ZNF841: variants seen among roughly 807,000 people sequenced by gnomAD.
ZNF841 encodes zinc finger protein 841.
A neutral mutation model predicts 13.0 loss-of-function variants in ZNF841; 11 were observed. That is an observed-to-expected ratio of 0.85 (90% CI 0.53 to 1.40). The LOEUF is 1.40. ZNF841 is among the 40% of genes most tolerant of loss of function. ZNF841 has a pLI of 0.00. For missense variants in ZNF841, 1,068 were observed against 1,139.5 expected, an observed-to-expected ratio of 0.94 and a Z score of 0.90; for synonymous variants, 369 against 381.6, an observed-to-expected ratio of 0.97 and a Z score of 0.38.
At chr19:52,081,870 GA>G (rs1415599871) in intron 4 of ZNF841, among the ~76,000 whole-genome samples, 1 of 151,772 alleles carries the variant, frequency 6.6e-6, no homozygotes, top group East Asian at 1.9e-4. Flanking sequence ...ACAAAAGAAA[GA>G]AAAAAAGTCG....
At chr19:52,072,397 G>A (rs2087763898) in intron 6 of ZNF841, among the ~76,000 whole-genome samples, 1 of 152,056 alleles carries the variant, frequency 6.6e-6, no homozygotes, top group African/African-American at 2.4e-5. Flanking sequence ...AACTGCACAT[G>A]AAACATTTTT....
At chr19:52,070,562 CCTT>C (rs963281053) in intron 6 of ZNF841, among the ~76,000 whole-genome samples, 13 of 152,190 alleles carry the variant, frequency 8.5e-5, no homozygotes, top group Non-Finnish European at 1.6e-4. Context: ...CTCCAGCAAA[CCTT>C]CTGTCAGCAG....
rs141847001 is a variant in ZNF841, at chr19:52,064,860, C to T, written c.*247G>A. 561 of 284,270 alleles carry T rather than the reference C, an allele frequency of 2.0e-3. 12 individuals are homozygous for T. In the Admixed American group the frequency reaches 0.024, roughly 12 times the overall value. 17.6% of individuals were successfully genotyped at this position (284,270 alleles called of 1,614,324 possible). ...TGTTGGCCAGGCTGCTCTTGAACTC[C>T]TGACCTCAAGTGATCCGCCCACCTC... On this transcript the variant is annotated 3_prime_UTR_variant, in exon 7 of 7. Transcript: ENST00000594440.
chr19:52,094,204 A>G (rs1180771223), intron 1 of ZNF841: 1 of 152,174 alleles, frequency 6.6e-6, no homozygotes, highest in Non-Finnish European at 1.5e-5. Flanking sequence ...AATACATACA[A>G]AATGCACAAG....
chr19:52,065,041 A>T lies in ZNF841; in HGVS notation c.*66T>A. 1 of 1,352,340 alleles carries T rather than the reference A, an allele frequency of 7.4e-7. No homozygotes were observed. The highest frequency in any genetic ancestry group is 9.8e-7 in the Non-Finnish European group (1 of 1,016,746). The allele number at this position is 1,352,340 out of a possible 1,614,324, so 83.8% of individuals were successfully genotyped here. A position where few individuals can be genotyped will look rare whatever the true frequency, so the allele number is the denominator to read the frequency against. ...GGCTCCACCTCCAATACTGGAGATT[A>T]CTACAATTCCACATGAGACTTCAAA... On this transcript the variant is annotated 3_prime_UTR_variant, in exon 7 of 7. Transcript: ENST00000594440.
At chr19:52,069,977 C>T (rs1379808555) in intron 6 of ZNF841, among the ~76,000 whole-genome samples, 1 of 152,172 alleles carries the variant, frequency 6.6e-6, no homozygotes, top group East Asian at 1.9e-4. Context: ...ATATTCTAAG[C>T]TAGCTAACAG....
At position 52,065,454 on chromosome 19, in the gene ZNF841, T is replaced by A. The variant is rs2087516037; in HGVS notation, c.2428A>T (p.Asn810Tyr). 1.9e-6 allele frequency: 3 copies of A among 1,613,978 alleles called. No individual in the cohort carries two copies. The South Asian group carries it at 3.3e-5, about 18-fold the overall frequency. Residue 810 changes from asparagine to tyrosine, a missense_variant, in exon 7 of 7, where the codon AAT (asparagine) becomes TAT (tyrosine). By Grantham distance (143) the Asn-to-Tyr change is moderately radical. Transcript: ENST00000594440. ...KAFRVRSILL[N>Y]HQMMHTGEKP... ...TCTCCAGTATGCATCATCTGATGAT[T>A]AAGCAGAATTGAACGTACTCTAAAG...
intron 2 of ZNF841, among the ~76,000 whole-genome samples, chr19:52,090,683 G>GAAAA (rs368626224): frequency 3.4e-5 from 5 of 147,056 alleles, no homozygotes; most frequent in Non-Finnish European, 7.5e-5. Context: ...AAGAAAGAAA[G>GAAAA]AAAGAAAGAA....
At position 52,067,528 on chromosome 19, in the gene ZNF841, C is replaced by A; in HGVS notation, c.354G>T (p.Leu118Phe). 6.3e-7 allele frequency: 1 copy of A among 1,599,898 alleles called. No homozygotes were observed. The highest frequency in any genetic ancestry group is 8.5e-7 in the Non-Finnish European group (1 of 1,173,424). The change falls in exon 7 of 7, where the codon TTG becomes TTT. Residue 118 changes from leucine to phenylalanine, a missense_variant. Coordinates refer to ENST00000594440, the MANE Select transcript of ZNF841 (RefSeq NM_001136499.2). ...NTGEKFQAVM[L>F]EGHESYDTEN... The stretch of plus-strand genomic sequence containing the variant: ...CAGTGTCATAGCTTTCATGTCCTTC[C>A]AACATCACTGCTTGGAATTTTTCTC...
chr19:52,067,656 T>C (rs751183595), intron 6 of ZNF841, 46 bp from the exon 7 acceptor site: 13 of 1,309,330 alleles, frequency 9.9e-6, no homozygotes, highest in South Asian at 1.9e-5. Flanking sequence ...CTATTATTGG[T>C]AAATATTATT....
intron 2 of ZNF841, among the ~76,000 whole-genome samples, chr19:52,090,689 A>AAG: frequency 6.6e-6 from 1 of 150,444 alleles, no homozygotes; most frequent in Non-Finnish European, 1.5e-5. Flanking sequence ...GAAAGAAAGA[A>AAG]AGAAAGAAAG....
At chr19:52,090,123 T>C (rs1233735106) in intron 2 of ZNF841, among the ~76,000 whole-genome samples, 3 of 152,104 alleles carry the variant, frequency 2.0e-5, no homozygotes, top group African/African-American at 4.8e-5. Context: ...AATCTTTCTA[T>C]ACACTAAAGA....
rs1290626012 is a variant in ZNF841, at chr19:52,067,553, C to A, written c.329G>T (p.Gly110Val). ...ELPPIQNSNT[G>V]EKFQAVMLEG... ...CAACATCACTGCTTGGAATTTTTCT[C>A]CTGTGTTACTGTTCTGTATTGGTGG... Residue 110 changes from glycine (G) to valine (V), a missense_variant, in exon 7 of 7, where the codon GGA (glycine) becomes GTA (valine). Transcript: ENST00000594440. 2 of 1,599,478 alleles carry A rather than the reference C, an allele frequency of 1.3e-6. No individual in the cohort carries two copies. Among genetic ancestry groups the A allele is most frequent in the Non-Finnish European group, 1.7e-6 (2 of 1,174,898 alleles).
In ZNF841 at chr19:52,089,504, G is replaced by A. The variant is rs77419494; in HGVS notation, c.-143-502C>T. On this transcript the variant is annotated intron_variant, in intron 2 of 6. Coordinates refer to ENST00000594440, the MANE Select transcript of ZNF841 (RefSeq NM_001136499.2). ...CTAAAAAATACAAAAAAAAACAGCC[G>A]GACATGGTGACACACGCTTGTAGTT... Among the ~76,000 whole-genome samples the A allele has an allele frequency of 3.9e-3, 599 of 151,966 alleles. 19 individuals are homozygous for A. The East Asian group carries it at 0.067, about 17-fold the overall frequency.
At chr19:52,062,871 A>ATT (rs34996737), downstream of ZNF841, among the ~76,000 whole-genome samples, 155 of 120,102 alleles carry the variant, frequency 1.3e-3, 2 homozygotes, top group African/African-American at 3.3e-3. Flanking sequence ...CTGTTGAGAA[A>ATT]TTTTTTTTTT....
chr19:52,061,766 G>C (rs536432433), downstream of ZNF841, among the ~76,000 whole-genome samples: 4 of 151,940 alleles, frequency 2.6e-5, no homozygotes, highest in Non-Finnish European at 4.4e-5. Flanking sequence ...GGCTGGTCTC[G>C]AACTCCCGAC....
At chr19:52,089,797 C>T (rs2088411971) in intron 2 of ZNF841, among the ~76,000 whole-genome samples, 1 of 152,162 alleles carries the variant, frequency 6.6e-6, no homozygotes, top group Non-Finnish European at 1.5e-5. Context: ...CATACCATGG[C>T]TCATCTGAAG....
chr19:52,093,736 T>C lies in ZNF841; in HGVS notation c.-144+110A>G, dbSNP rs1488009435. On this transcript the variant is annotated intron_variant, in intron 2 of 6. Transcript: ENST00000594440. ...ATAGGAAAGAAGCAATTGAATAAAA[T>C]GTATCTCAAGCTTCCAAAATAACAA... 3 of 152,158 alleles carry C rather than the reference T, an allele frequency of 2.0e-5. No homozygotes were observed. In the East Asian group the frequency reaches 5.8e-4, roughly 29 times the overall value. 9.4% of individuals were successfully genotyped at this position (152,158 alleles called of 1,614,324 possible).
rs529310128 is a variant in ZNF841, at chr19:52,065,892, G to T, written c.1990C>A (p.Gln664Lys). Residue 664 changes from glutamine to lysine, a missense_variant, in exon 7 of 7, where the codon CAG becomes AAG. Gln to Lys is a moderately conservative substitution (Grantham distance 53). Transcript: ENST00000594440. ...AGATGTTTAGTGAGGCTTGAACGCT[G>T]AGTATAGGCTTTGCCACAATCATTA... is the stretch of plus-strand genomic sequence containing the variant. Reference protein sequence around the residue: ...KCNDCGKAYTQRSSLTKHLVI... With the variant: ...KCNDCGKAYTKRSSLTKHLVI... The T allele has an allele frequency of 1.9e-6, 3 of 1,613,846 alleles. No individual in the cohort carries two copies. In the Admixed American group the frequency reaches 5.0e-5, roughly 27 times the overall value.
Sources: allele counts gnomAD v4.1 joint callset (sites outside exome capture counted in the v4.1 genomes callset), GRCh38; gene constraint gnomAD v4.1.1; transcripts MANE v1.5; gene names NCBI Gene and HGNC (gene_info 2026-07-23, HGNC 2026-07-21).